TNS3: variants seen among roughly 807,000 people sequenced by gnomAD.
TNS3 encodes tensin 3.
In TNS3, 45 loss-of-function variants were observed where a neutral mutation model predicts 140.9. The ratio of observed to expected loss-of-function variants is 0.32; its 90% CI spans 0.25 to 0.41. TNS3 has a LOEUF of 0.41. Ranked by LOEUF, TNS3 falls within the 10% of genes least tolerant of loss-of-function variation. TNS3 has a pLI of 1.00. For missense variants in TNS3, 1,716 were observed against 1,906.7 expected (o/e 0.90, Z 1.86); for synonymous variants, 815 against 788.4 (o/e 1.03, Z -0.56).
intron 4 of TNS3, among the ~76,000 whole-genome samples, chr7:47,443,465 C>T (rs78668701): frequency 0.036 from 5,542 of 152,280 alleles, 153 homozygotes; most frequent in South Asian, 0.12. Context: ...AGCCCTAACC[C>T]AAAGCCTTTC....
At chr7:47,383,976 C>T (rs1424572885) in intron 16 of TNS3, among the ~76,000 whole-genome samples, 2 of 152,208 alleles carry the variant, frequency 1.3e-5, no homozygotes, top group Non-Finnish European at 2.9e-5. Context: ...AGGAGAGACA[C>T]ATGAAAGTGA....
chr7:47,528,294 G>T lies in TNS3; in HGVS notation c.-153+742C>A, dbSNP rs575156615. 6.6e-5 allele frequency among the ~76,000 whole-genome samples: 10 copies of T among 152,294 alleles called. No homozygotes were observed. The South Asian group carries it at 2.1e-3, about 32-fold the overall frequency. The stretch of plus-strand genomic sequence containing the variant: ...GGCCATCAGGGACCATCTGCTGGGG[G>T]TCTGCAGGGAAGGAGGCACTGAGGG... On this transcript the variant is annotated intron_variant, in intron 2 of 30. Transcript: ENST00000311160.
chr7:47,316,807 C>T (rs1787442670), intron 20 of TNS3, among the ~76,000 whole-genome samples: 1 of 150,436 alleles, frequency 6.6e-6, no homozygotes, highest in Non-Finnish European at 1.5e-5. Context: ...AGTCATTATC[C>T]TATAATTCTT....
Position 47,404,508 on chromosome 7 carries a change from T to C in TNS3, c.724-3594A>G, listed in dbSNP as rs150684870. On this transcript the variant is annotated intron_variant, in intron 13 of 30. Coordinates refer to ENST00000311160, the MANE Select transcript of TNS3 (RefSeq NM_022748.12). ...GAATGATGATCTCAATGGGAAGGCCTGTAAGCACTCTTGCTTTCTTTTAGT... is the reference window on the plus strand; with the variant it reads ...GAATGATGATCTCAATGGGAAGGCCCGTAAGCACTCTTGCTTTCTTTTAGT... Among the ~76,000 whole-genome samples, 268 of 152,338 alleles carry C rather than the reference T, an allele frequency of 1.8e-3. 1 individual carries two copies. Among genetic ancestry groups the C allele is most frequent in the African/African-American group, 6.3e-3 (260 of 41,568 alleles).
intron 4 of TNS3, among the ~76,000 whole-genome samples, chr7:47,447,473 G>T (rs184240376): frequency 1.3e-5 from 2 of 152,196 alleles, no homozygotes; most frequent in African/African-American, 4.8e-5. Context: ...AGGGTCCACC[G>T]CTTGGCACCT....
chr7:47,428,357 C>G lies in TNS3; in HGVS notation c.344G>C (p.Gly115Ala). The change falls in exon 9 of 31, where the codon GGA becomes GCA. Residue 115 changes from glycine to alanine, a missense_variant. Physicochemically the swap from Gly to Ala is moderately conservative, Grantham distance 60. Transcript: ENST00000311160. ...IHCRGGKGRIGVVISSYMHFT... is the reference protein window; with the variant it reads ...IHCRGGKGRIAVVISSYMHFT... ...ATGCATGTAGGATGATATGACCACT[C>G]CTATGCGTCCTTTCCCGCCCTGCAG... The G allele has an allele frequency of 6.9e-7, 1 of 1,450,978 alleles. No homozygotes were observed. The highest frequency in any genetic ancestry group is 2.7e-5 in the East Asian group (1 of 37,286). The allele number at this position is 1,450,978 out of a possible 1,614,324, so 89.9% of individuals were successfully genotyped here.
intron 15 of TNS3, among the ~76,000 whole-genome samples, chr7:47,398,659 G>A (rs901615388): frequency 3.3e-5 from 5 of 152,134 alleles, no homozygotes; most frequent in Non-Finnish European, 7.4e-5. Flanking sequence ...ACTAGGCATA[G>A]AAGGGACTTA....
chr7:47,307,717 G>C (rs774414808), intron 20 of TNS3, among the ~76,000 whole-genome samples: 14 of 152,084 alleles, frequency 9.2e-5, no homozygotes, highest in Non-Finnish European at 1.5e-4. Context: ...ACATCTTTTT[G>C]TATGCTTATT....
chr7:47,398,277 T>C (rs1792948648), intron 15 of TNS3, among the ~76,000 whole-genome samples: 1 of 151,940 alleles, frequency 6.6e-6, no homozygotes, highest in African/African-American at 2.4e-5. Context: ...TCCAAAAGAC[T>C]GAGAAAGAGG....
At position 47,393,981 on chromosome 7, in the gene TNS3, T is replaced by C. The variant is rs1792681471; in HGVS notation, c.1024+2819A>G. ...TCGGTGACACAGAGTCCCGAGTGCA[T>C]GCCCAGACCATCACCTGCATGGCTC... On this transcript the variant is annotated intron_variant, in intron 16 of 30. Transcript: ENST00000311160. Among the ~76,000 whole-genome samples the C allele has an allele frequency of 2.6e-5, 4 of 152,196 alleles. No homozygotes were observed. The South Asian group carries it at 6.2e-4, about 24-fold the overall frequency.
chr7:47,523,348 C>G (rs140198266), intron 2 of TNS3, among the ~76,000 whole-genome samples: 6 of 152,324 alleles, frequency 3.9e-5, no homozygotes, highest in African/African-American at 1.4e-4. Context: ...AACATTCTGA[C>G]CATAACACAG....
chr7:47,576,910 A>G (rs566665383), intron 1 of TNS3, among the ~76,000 whole-genome samples: 6 of 152,372 alleles, frequency 3.9e-5, no homozygotes, highest in Admixed American at 2.0e-4. Context: ...ACGGCAGTGA[A>G]CGGCCTTGGC....
chr7:47,295,914 G>A (rs1236916447), intron 24 of TNS3, among the ~76,000 whole-genome samples: 1 of 152,212 alleles, frequency 6.6e-6, no homozygotes, highest in Admixed American at 6.5e-5. Flanking sequence ...TAGGCACAGA[G>A]CATGAGTGAA....
At chr7:47,439,710 T>C (rs1795366928) in intron 5 of TNS3, 52 bp from the exon 6 acceptor site, 2 of 1,584,928 alleles carry the variant, frequency 1.3e-6, no homozygotes, top group South Asian at 2.3e-5. Flanking sequence ...GCAGCAGACA[T>C]TCATCCTCTA....
intron 4 of TNS3, among the ~76,000 whole-genome samples, chr7:47,442,890 A>G (rs1478673565): frequency 6.6e-6 from 1 of 152,152 alleles, no homozygotes; most frequent in Non-Finnish European, 1.5e-5. Flanking sequence ...CCCCGATCAC[A>G]CCTGGGATCC....
chr7:47,428,675 G>A (rs1794779788), intron 8 of TNS3, among the ~76,000 whole-genome samples: 1 of 152,208 alleles, frequency 6.6e-6, no homozygotes, highest in East Asian at 1.9e-4. Context: ...CAATTAGGCT[G>A]GAAAAAACTG....
intron 20 of TNS3, among the ~76,000 whole-genome samples, chr7:47,326,824 C>A (rs1347991980): frequency 6.6e-6 from 1 of 152,168 alleles, no homozygotes; most frequent in African/African-American, 2.4e-5. Flanking sequence ...GGAGAGCAAT[C>A]CATCAATCCT....
intron 20 of TNS3, among the ~76,000 whole-genome samples, chr7:47,316,567 A>T (rs559796655): frequency 1.2e-4 from 17 of 146,912 alleles, no homozygotes; most frequent in South Asian, 2.2e-4. Context: ...TTTTTTTTTT[A>T]AAGTCCTTAT....
intron 12 of TNS3, among the ~76,000 whole-genome samples, chr7:47,413,655 G>A (rs1793912123): frequency 6.6e-6 from 1 of 151,802 alleles, no homozygotes; most frequent in South Asian, 2.1e-4. Flanking sequence ...AAAGCAAATG[G>A]CCCACTCTCC....
Sources: allele counts gnomAD v4.1 joint callset (sites outside exome capture counted in the v4.1 genomes callset), GRCh38; gene constraint gnomAD v4.1.1; transcripts MANE v1.5; gene names NCBI Gene and HGNC (gene_info 2026-07-23, HGNC 2026-07-21).